CDYL: variants seen among roughly 807,000 people sequenced by gnomAD.
CDYL encodes chromodomain Y like.
A neutral mutation model predicts 47.3 loss-of-function variants in CDYL; 8 were observed. The ratio of observed to expected loss-of-function variants is 0.17; its 90% CI spans 0.10 to 0.31. CDYL has a LOEUF of 0.31. CDYL is among the 10% of genes least tolerant of loss of function. CDYL has a pLI of 1.00. For missense variants in CDYL, 471 were observed against 701.4 expected (o/e 0.67, Z 3.71); for synonymous variants, 266 against 265.0 (o/e 1.00, Z -0.04).
intron 1 of CDYL, among the ~76,000 whole-genome samples, chr6:4,790,511 G>A (rs1377664950): frequency 6.6e-6 from 1 of 152,186 alleles, no homozygotes; most frequent in East Asian, 1.9e-4. Context: ...AAAGTAGGCG[G>A]ACATTTGAGT....
intron 2 of CDYL, among the ~76,000 whole-genome samples, chr6:4,734,596 C>T (rs912836803): frequency 4.0e-5 from 6 of 151,252 alleles, no homozygotes; most frequent in African/African-American, 1.5e-4. Context: ...ATTCAGAATT[C>T]TCTAGATGAA....
At chr6:4,868,649 T>G (rs1421399590) in intron 1 of CDYL, among the ~76,000 whole-genome samples, 1 of 152,154 alleles carries the variant, frequency 6.6e-6, no homozygotes, top group Non-Finnish European at 1.5e-5. Flanking sequence ...TCAGAATGAG[T>G]TGGTTGACAG....
intron 2 of CDYL, among the ~76,000 whole-genome samples, chr6:4,929,746 T>C (rs997105788): frequency 4.6e-5 from 7 of 152,226 alleles, no homozygotes; most frequent in African/African-American, 1.7e-4. Context: ...TGTTTTTCTT[T>C]AAATGCTTGA....
intron 1 of CDYL, among the ~76,000 whole-genome samples, chr6:4,869,171 C>T (rs1761405270): frequency 6.6e-6 from 1 of 151,998 alleles, no homozygotes; most frequent in Non-Finnish European, 1.5e-5. Context: ...TCTTGGCTCA[C>T]TGCAGCCTCT....
At chr6:4,823,918 C>G (rs971153576) in intron 1 of CDYL, among the ~76,000 whole-genome samples, 1 of 152,214 alleles carries the variant, frequency 6.6e-6, no homozygotes, top group Non-Finnish European at 1.5e-5. Flanking sequence ...CTGGAAATCT[C>G]TATTCTACTT....
chr6:4,835,533 A>T (rs1709630874), intron 1 of CDYL, among the ~76,000 whole-genome samples: 1 of 152,226 alleles, frequency 6.6e-6, no homozygotes, highest in African/African-American at 2.4e-5. Context: ...TCAGGGACCC[A>T]CTTGAGGAGG....
rs563114646 is a variant in CDYL, at chr6:4,894,376, T to C, written c.691+1997T>C. On this transcript the variant is annotated intron_variant, in intron 2 of 6. Transcript: ENST00000397588. ...ACCAAAAAGGACTGATGAGCTATAG[T>C]CCGTGGGCTTGGCCCTGCCCTGCTC... Among the ~76,000 whole-genome samples, 12 of 152,310 alleles carry C rather than the reference T, an allele frequency of 7.9e-5. 1 individual carries two copies. In the South Asian group the frequency reaches 1.2e-3, roughly 16 times the overall value.
In CDYL at chr6:4,935,525, G is replaced by A. The variant is rs144300027; in HGVS notation, c.702G>A (p.Pro234=). The change falls in exon 3 of 7, where the codon CCG becomes CCA. Residue 234 remains proline, a synonymous_variant. Transcript: ENST00000397588. ...GLAVNGKGTS[P]FMDALTANGT... ...TCAAACTCTCGGCAGGTACATCTCCGTTCATGGATGCATTAACAGCCAATG... is the reference window on the plus strand; with the variant it reads ...TCAAACTCTCGGCAGGTACATCTCCATTCATGGATGCATTAACAGCCAATG... 1.5e-5 allele frequency: 25 copies of A among 1,614,088 alleles called. No individual in the cohort carries two copies. Among genetic ancestry groups the A allele is most frequent in the Admixed American group, 1.5e-4 (9 of 60,014 alleles).
intron 1 of CDYL, among the ~76,000 whole-genome samples, chr6:4,824,169 G>A (rs540545076): frequency 3.3e-5 from 5 of 152,152 alleles, no homozygotes; most frequent in Non-Finnish European, 7.4e-5. Flanking sequence ...TTTGGCTACT[G>A]TGAATGCTAC....
At chr6:4,838,875 C>T (rs748789500) in intron 1 of CDYL, among the ~76,000 whole-genome samples, 7 of 152,128 alleles carry the variant, frequency 4.6e-5, no homozygotes, top group East Asian at 3.9e-4. Flanking sequence ...TTAGTAGAGA[C>T]GGGGTTTCAC....
At chr6:4,829,079 G>T (rs148076406) in intron 1 of CDYL, among the ~76,000 whole-genome samples, 1 of 152,022 alleles carries the variant, frequency 6.6e-6, no homozygotes, top group Non-Finnish European at 1.5e-5. Flanking sequence ...CTTCTGGCTG[G>T]TTTCTGTCAA....
intron 2 of CDYL, among the ~76,000 whole-genome samples, chr6:4,907,513 C>T (rs1390108683): frequency 3.3e-5 from 5 of 152,178 alleles, no homozygotes; most frequent in South Asian, 2.1e-4. Flanking sequence ...TGCACCACCA[C>T]GCCTCACTAA....
intron 1 of CDYL, among the ~76,000 whole-genome samples, chr6:4,799,699 A>G (rs1230378482): frequency 1.3e-5 from 2 of 152,122 alleles, no homozygotes; most frequent in African/African-American, 2.4e-5. Context: ...TCGGCTCCCA[A>G]AGTGCTGAGA....
chr6:4,835,434 T>C (rs1342601708), intron 1 of CDYL, among the ~76,000 whole-genome samples: 1 of 152,122 alleles, frequency 6.6e-6, no homozygotes, highest in African/African-American at 2.4e-5. Context: ...CCCTGGAAGT[T>C]TTGTCTCAGA....
chr6:4,853,077 C>T (rs528487443), intron 1 of CDYL, among the ~76,000 whole-genome samples: 2 of 152,324 alleles, frequency 1.3e-5, no homozygotes, highest in East Asian at 1.9e-4. Context: ...GCATGAGTCA[C>T]GGTGCCTAGC....
intron 3 of CDYL, among the ~76,000 whole-genome samples, chr6:4,743,109 A>C (rs952604952): frequency 6.6e-6 from 1 of 152,116 alleles, no homozygotes; most frequent in Non-Finnish European, 1.5e-5. Flanking sequence ...TTCCCTCTCC[A>C]ATTGGCCTGG....
intron 1 of CDYL, among the ~76,000 whole-genome samples, chr6:4,845,927 T>C (rs1359534408): frequency 6.6e-6 from 1 of 152,142 alleles, no homozygotes; most frequent in Non-Finnish European, 1.5e-5. Flanking sequence ...GGAACTGATC[T>C]CCTATTTGAA....
In CDYL at chr6:4,789,514, C is replaced by G. The variant is rs545072518; in HGVS notation, c.24+12707C>G. 3.9e-5 allele frequency among the ~76,000 whole-genome samples: 6 copies of G among 152,286 alleles called. No individual in the cohort carries two copies. In the East Asian group the frequency reaches 5.8e-4, roughly 15 times the overall value. ...AGCCTCCCCGCCCTAGGCATCTCCC[C>G]CACTCCCAGTGGGCAGGAACTCCAG... On this transcript the variant is annotated intron_variant, in intron 1 of 6. Coordinates refer to ENST00000397588, the MANE Select transcript of CDYL (RefSeq NM_004824.4).
At chr6:4,839,230 T>C (rs989400169) in intron 1 of CDYL, among the ~76,000 whole-genome samples, 1 of 152,192 alleles carries the variant, frequency 6.6e-6, no homozygotes, top group African/African-American at 2.4e-5. Context: ...CTTTTGAGAA[T>C]TGTCTGTTCA....
Sources: allele counts gnomAD v4.1 joint callset (sites outside exome capture counted in the v4.1 genomes callset), GRCh38; gene constraint gnomAD v4.1.1; transcripts MANE v1.5; gene names NCBI Gene and HGNC (gene_info 2026-07-23, HGNC 2026-07-21).